The following PALMD variants were observed in gnomAD, a reference collection of about 807,000 sequenced individuals.
PALMD encodes palmdelphin, also known as paralemmin-like protein.
A neutral mutation model predicts 56.2 loss-of-function variants in PALMD; 42 were observed. The observed-to-expected ratio is 0.75, with a 90% confidence interval of 0.58 to 0.97. The LOEUF (loss-of-function observed/expected upper bound fraction) is 0.97. Among genes scored for constraint, PALMD ranks in the 50% least tolerant of loss-of-function variants. The pLI is 0.00. For synonymous variants in PALMD, 242 were observed against 222.9 expected (o/e 1.09, Z -0.76); for missense variants, 660 against 643.8 (o/e 1.03, Z -0.27).
rs150756021 is a variant in PALMD, at chr1:99,667,686, C to G, written c.171C>G (p.Ser57Arg). Residue 57 changes from serine to arginine, a missense_variant, in exon 3 of 8, where the codon AGC becomes AGG. Coordinates refer to ENST00000263174, the MANE Select transcript of PALMD (RefSeq NM_017734.5). ...REKWLLDGIS[S>R]GKEQEEMKKQ... is the part of the protein sequence containing the mutation. ...AATGGCTTCTAGATGGAATCAGCAG[C>G]GGAAAAGAACAGGAAGAGATGAAGA... 6.2e-7 allele frequency: 1 copy of G among 1,612,616 alleles called. No individual in the cohort carries two copies. The highest frequency in any genetic ancestry group is 1.1e-5 in the South Asian group (1 of 91,040).
At chr1:99,672,797 A>G (rs192095122) in intron 3 of PALMD, among the ~76,000 whole-genome samples, 35 of 152,356 alleles carry the variant, frequency 2.3e-4, no homozygotes, top group Admixed American at 2.1e-3. Context: ...AATGATGCAA[A>G]TACACTGCAT....
intron 1 of PALMD, among the ~76,000 whole-genome samples, chr1:99,660,444 T>C (rs1417027555): frequency 6.6e-6 from 1 of 152,194 alleles, no homozygotes; most frequent in African/African-American, 2.4e-5. Flanking sequence ...AAGTATTAAG[T>C]AAAATTGTGC....
intron 1 of PALMD, among the ~76,000 whole-genome samples, chr1:99,659,612 C>G (rs543725942): frequency 2.8e-4 from 43 of 152,266 alleles, no homozygotes; most frequent in Non-Finnish European, 4.9e-4. Flanking sequence ...TACTAGCAAT[C>G]GAGCTAGATA....
Position 99,654,134 on chromosome 1 carries a change from C to T in PALMD, c.45+7772C>T, listed in dbSNP as rs76938795. The stretch of plus-strand genomic sequence containing the variant: ...ATCAGGTTCAACACAAGTTCCACCA[C>T]TCGATCAATCACGTGACTTGAGAAA... On this transcript the variant is annotated intron_variant, in intron 1 of 7. Coordinates refer to ENST00000263174, the MANE Select transcript of PALMD (RefSeq NM_017734.5). 2.9e-3 allele frequency among the ~76,000 whole-genome samples: 436 copies of T among 152,114 alleles called. 2 individuals carry two copies. Among genetic ancestry groups the T allele is most frequent in the African/African-American group, 0.01 (425 of 41,558 alleles).
intron 3 of PALMD, among the ~76,000 whole-genome samples, chr1:99,679,874 A>G (rs1653298572): frequency 6.6e-6 from 1 of 152,138 alleles, no homozygotes; most frequent in South Asian, 2.1e-4. Context: ...TCATCTGTCA[A>G]TTGGAACTAA....
chr1:99,672,240 A>G (rs1653102701), intron 3 of PALMD, among the ~76,000 whole-genome samples: 1 of 152,164 alleles, frequency 6.6e-6, no homozygotes, highest in Admixed American at 6.5e-5. Context: ...GCTTTCAAAC[A>G]ATATTGTGGA....
At position 99,686,744 on chromosome 1, in the gene PALMD, T is replaced by A. The variant is rs147040920; in HGVS notation, c.320T>A (p.Leu107Ter). 6.2e-7 allele frequency: 1 copy of A among 1,607,264 alleles called. No homozygotes were observed. The highest frequency in any genetic ancestry group is 8.5e-7 in the Non-Finnish European group (1 of 1,174,748). ...ATCTCAACGAAGGAAGAGGCCATTT[T>A]AAAGAAACTAAAGTCAATTGAGCGG... Reference protein sequence around the residue: ...LQISTKEEAILKKLKSIERTT... With the variant: ...LQISTKEEAI Residue 107 changes from leucine (L) to a stop codon, truncating the protein, a stop_gained, in exon 4 of 8, where the codon TTA becomes TAA. Transcript: ENST00000263174. LOFTEE classifies it high-confidence loss of function.
At position 99,670,473 on chromosome 1, in the gene PALMD, C is replaced by T. The variant is rs115314379; in HGVS notation, c.251+2707C>T. On this transcript the variant is annotated intron_variant, in intron 3 of 7. Transcript: ENST00000263174. ...AGAAAGAAAGTGACTTAATTAAGGC[C>T]ACAGAGTCAGTAAAGGGTAGACTTA... 3.2e-3 allele frequency among the ~76,000 whole-genome samples: 492 copies of T among 152,136 alleles called. 1 individual carries two copies. The highest frequency in any genetic ancestry group is 0.011 in the African/African-American group (476 of 41,498).
chr1:99,689,278 C>A lies in PALMD; in HGVS notation c.1018C>A (p.Leu340Ile). Residue 340 changes from leucine to isoleucine, a missense_variant, in exon 7 of 8, where the codon CTT becomes ATT. Coordinates refer to ENST00000263174, the MANE Select transcript of PALMD (RefSeq NM_017734.5). ...AGTGATTCAACAAGCAGAAGAGAAG[C>A]TTCACACCCCGCAAAAAAGGCTAAT... ...RSVIQQAEEK[L>I]HTPQKRLMTP... 6.2e-7 allele frequency: 1 copy of A among 1,613,518 alleles called. No individual in the cohort carries two copies. The highest frequency in any genetic ancestry group is 8.5e-7 in the Non-Finnish European group (1 of 1,179,848).
At chr1:99,674,781 G>A (rs754270481) in intron 3 of PALMD, among the ~76,000 whole-genome samples, 2 of 152,134 alleles carry the variant, frequency 1.3e-5, no homozygotes, top group Non-Finnish European at 1.5e-5. Context: ...ACAAAACAAA[G>A]GAGCAACTGA....
intron 2 of PALMD, among the ~76,000 whole-genome samples, chr1:99,665,986 T>A (rs1327100156): frequency 6.6e-6 from 1 of 152,114 alleles, no homozygotes; most frequent in Non-Finnish European, 1.5e-5. Context: ...CAGAATGGAG[T>A]AATACAAATT....
chr1:99,687,079 C>A lies in PALMD; in HGVS notation c.404C>A (p.Ser135Ter). Residue 135 changes from serine (S) to a stop codon, truncating the protein, a stop_gained, in exon 6 of 8, where the codon TCA becomes TAA. Coordinates refer to ENST00000263174, the MANE Select transcript of PALMD (RefSeq NM_017734.5). LOFTEE classifies it high-confidence loss of function. The part of the protein sequence containing the change: ...KVEREERAEE[S>*]IEDIYANIPD... ...TGAATTCATATTAATTTTACAGAGT[C>A]AATTGAGGACATCTATGCTAATATC... The A allele has an allele frequency of 6.3e-7, 1 of 1,582,530 alleles. No homozygotes were observed. Among genetic ancestry groups the A allele is most frequent in the South Asian group, 1.1e-5 (1 of 88,730 alleles).
chr1:99,667,905 C>G, intron 3 of PALMD, 139 bp downstream of exon 3: 2 of 749,338 alleles, frequency 2.7e-6, no homozygotes. Context: ...TTAAGGCACG[C>G]TTTCACACTG....
chr1:99,681,552 T>TA (rs1267650206), intron 3 of PALMD, among the ~76,000 whole-genome samples: 1 of 151,724 alleles, frequency 6.6e-6, no homozygotes, highest in Non-Finnish European at 1.5e-5. Flanking sequence ...AGGAAAAAAA[T>TA]AAAAATATAA....
chr1:99,689,517 G>T lies in PALMD; in HGVS notation c.1257G>T (p.Gly419=). ...DTEPVTMIFM[G]YQQAEDSEED... is the part of the protein sequence containing the mutation. Reference sequence around the variant, plus strand: ...AACCGGTGACAATGATTTTCATGGGGTATCAGCAGGCAGAAGACAGTGAAG... The same window carrying T: ...AACCGGTGACAATGATTTTCATGGGTTATCAGCAGGCAGAAGACAGTGAAG... The change falls in exon 7 of 8, where the codon GGG becomes GGT. Residue 419 remains glycine, a synonymous_variant. Transcript: ENST00000263174. 1 of 1,613,772 alleles carries T rather than the reference G, an allele frequency of 6.2e-7. No individual in the cohort carries two copies. Among genetic ancestry groups the T allele is most frequent in the South Asian group, 1.1e-5 (1 of 91,066 alleles).
chr1:99,689,942 C>T, intron 7 of PALMD, 70 bp downstream of exon 7: 2 of 1,449,776 alleles, frequency 1.4e-6, no homozygotes, highest in East Asian at 2.3e-5. Flanking sequence ...CTAATGCAGT[C>T]TTGCTTTCAG....
intron 2 of PALMD, among the ~76,000 whole-genome samples, chr1:99,663,602 A>T (rs1258070401): frequency 6.6e-6 from 1 of 151,814 alleles, no homozygotes; most frequent in Non-Finnish European, 1.5e-5. Context: ...ACACACACAC[A>T]ATCACACACA....
rs372510465 is a variant in PALMD, at chr1:99,671,142, G to A, written c.251+3376G>A. ...TATCACTTGACTTACGTGCCTGCTC[G>A]AGGGTGACATTTGCCACTCTGCCAG... is the stretch of plus-strand genomic sequence containing the variant. On this transcript the variant is annotated intron_variant, in intron 3 of 7. Coordinates refer to ENST00000263174, the MANE Select transcript of PALMD (RefSeq NM_017734.5). 2.4e-4 allele frequency among the ~76,000 whole-genome samples: 36 copies of A among 152,290 alleles called. 1 individual carries two copies. The highest frequency in any genetic ancestry group is 7.2e-4 in the African/African-American group (30 of 41,572).
Position 99,689,411 on chromosome 1 carries a change from C to T in PALMD, c.1151C>T (p.Ser384Phe). The part of the protein sequence containing the change: ...TIFGKSEHQN[S>F]SPTCQEDEED... ...TTTGGGAAATCTGAACACCAGAATTCTTCACCCACTTGTCAGGAGGACGAG... is the reference window on the plus strand; with the variant it reads ...TTTGGGAAATCTGAACACCAGAATTTTTCACCCACTTGTCAGGAGGACGAG... The change falls in exon 7 of 8, where the codon TCT becomes TTT. Residue 384 changes from serine (S) to phenylalanine (F), a missense_variant. Transcript: ENST00000263174. 6.2e-7 allele frequency: 1 copy of T among 1,613,826 alleles called. No individual in the cohort carries two copies. The highest frequency in any genetic ancestry group is 8.5e-7 in the Non-Finnish European group (1 of 1,179,858).
Sources: allele counts gnomAD v4.1 joint callset (sites outside exome capture counted in the v4.1 genomes callset), GRCh38; gene constraint gnomAD v4.1.1; transcripts MANE v1.5; gene names NCBI Gene and HGNC (gene_info 2026-07-23, HGNC 2026-07-21).